The following REV3L variants were observed in gnomAD, a reference collection of about 807,000 sequenced individuals.
The protein encoded by REV3L is REV3 like, DNA directed polymerase zeta catalytic subunit.
REV3L carries 69 observed loss-of-function variants against 299.4 expected under a neutral mutation model. The observed-to-expected ratio is 0.23, with a 90% confidence interval of 0.19 to 0.28. The LOEUF is 0.28. Ranked by LOEUF, REV3L falls within the 10% of genes least tolerant of loss-of-function variation. The pLI, the probability that REV3L is intolerant of heterozygous loss-of-function variation, is 1.00. For synonymous variants in REV3L, 1,238 were observed against 1,271.4 expected (o/e 0.97, Z 0.56); for missense variants, 3,128 against 3,693.8 (o/e 0.85, Z 3.97).
Position 111,335,479 on chromosome 6 carries a change from C to A in REV3L, c.7670G>T (p.Arg2557Met), listed in dbSNP as rs1775813197. 1 of 1,612,254 alleles carries A rather than the reference C, an allele frequency of 6.2e-7. No individual in the cohort carries two copies. The change falls in exon 22 of 32, where the codon AGG becomes ATG. Residue 2557 changes from arginine to methionine, a missense_variant. By Grantham distance (91) the Arg-to-Met change is moderately conservative (BLOSUM62 -1). This residue lies in a region of REV3L where 149 missense variants were observed against 286.4 expected (regional missense o/e 0.52). Transcript: ENST00000368802. ...AAACTGATTTCCCACCTGTGAACCCCTTGTCAGTACATGTAAAAACTGAAT... is the reference window on the plus strand; with the variant it reads ...AAACTGATTTCCCACCTGTGAACCCATTGTCAGTACATGTAAAAACTGAAT... ...FGIQFLHVLT[R>M]GSQYRVESMM... is the part of the protein sequence containing the mutation.
chr6:111,373,800 C>T lies in REV3L; in HGVS notation c.4555G>A (p.Ala1519Thr), dbSNP rs777542060. The change falls in exon 13 of 32, where the codon GCA becomes ACA. Residue 1519 changes from alanine to threonine, a missense_variant. Physicochemically the swap from Ala to Thr is moderately conservative, Grantham distance 58. Coordinates refer to ENST00000368802, the MANE Select transcript of REV3L (RefSeq NM_001372078.1). ...CKNRNVSTPSAFGEGQSGLAV... is the reference protein window; with the variant it reads ...CKNRNVSTPSTFGEGQSGLAV... The stretch of plus-strand genomic sequence containing the variant: ...AGTCCAGACTGTCCTTCACCAAATG[C>T]TGAAGGTGTTGACACATTTCGATTT... The T allele has an allele frequency of 6.2e-7, 1 of 1,614,082 alleles. No homozygotes were observed. Among genetic ancestry groups the T allele is most frequent in the Non-Finnish European group, 8.5e-7 (1 of 1,179,966 alleles).
At chr6:111,399,766 A>AT (rs1348010451) in intron 4 of REV3L, among the ~76,000 whole-genome samples, 1 of 135,602 alleles carries the variant, frequency 7.4e-6, no homozygotes, top group African/African-American at 2.6e-5. Context: ...ACATGACATA[A>AT]TAACTGGTGA....
intron 17 of REV3L, among the ~76,000 whole-genome samples, chr6:111,357,968 G>T (rs1168994803): frequency 1.4e-5 from 2 of 145,168 alleles, no homozygotes; most frequent in African/African-American, 5.2e-5. Flanking sequence ...GAAAATCCAA[G>T]AACTGGCTTG....
chr6:111,327,848 T>G (rs1166801133), intron 25 of REV3L, among the ~76,000 whole-genome samples: 1 of 152,188 alleles, frequency 6.6e-6, no homozygotes, highest in African/African-American at 2.4e-5. Flanking sequence ...TAGATGGTAT[T>G]TTGCTGCTTT....
chr6:111,349,146 C>A, intron 20 of REV3L, 72 bp downstream of exon 20: 1 of 797,894 alleles, frequency 1.3e-6, no homozygotes, highest in Non-Finnish European at 2.1e-6. Flanking sequence ...CTTACTAATA[C>A]TCTATAATGA....
Position 111,468,787 on chromosome 6 carries a change from T to C in REV3L, c.139+13963A>G, listed in dbSNP as rs139919891. 2.3e-3 allele frequency among the ~76,000 whole-genome samples: 346 copies of C among 152,296 alleles called. 1 individual carries two copies. Among genetic ancestry groups the C allele is most frequent in the African/African-American group, 7.9e-3 (328 of 41,566 alleles). ...GCCTGGTGTGGGCTGTTGGTCATTC[T>C]CAAAAAATTGTTAAAAGTTTTCTAC... On this transcript the variant is annotated intron_variant, in intron 1 of 31. Transcript: ENST00000368802.
intron 4 of REV3L, among the ~76,000 whole-genome samples, chr6:111,397,177 T>C (rs1297931194): frequency 6.6e-6 from 1 of 152,038 alleles, no homozygotes; most frequent in Non-Finnish European, 1.5e-5. Flanking sequence ...TGTTCTTGCT[T>C]TTCTAGTTTC....
chr6:111,375,263 G>C lies in REV3L; in HGVS notation c.3092C>G (p.Pro1031Arg), dbSNP rs139637959. ...TGGATAAATGGGATATTTGGTTGCA[G>C]GGGAGTCGGGAACTTTTGGCCAAAA... ...KDFWPKVPDS[P>R]ATKYPIYPLT... is the part of the protein sequence containing the mutation. Residue 1031 changes from proline to arginine, a missense_variant, in exon 13 of 32, where the codon CCT becomes CGT. By Grantham distance (103) the Pro-to-Arg change is moderately radical. Around this residue, in one of 9 missense-constraint regions of REV3L, gnomAD observed 2,409 missense variants for 2,611.8 expected, o/e 0.92. Transcript: ENST00000368802. 2 of 1,609,800 alleles carry C rather than the reference G, an allele frequency of 1.2e-6. No individual in the cohort carries two copies. The highest frequency in any genetic ancestry group is 2.2e-5 in the South Asian group (2 of 88,976).
At chr6:111,400,105 T>A (rs1445800735) in intron 4 of REV3L, among the ~76,000 whole-genome samples, 1 of 152,312 alleles carries the variant, frequency 6.6e-6, no homozygotes, top group Admixed American at 6.5e-5. Flanking sequence ...TTGTTCCTTT[T>A]TATCACTAAA....
chr6:111,468,536 T>G (rs537799797), intron 1 of REV3L, among the ~76,000 whole-genome samples: 1 of 152,222 alleles, frequency 6.6e-6, no homozygotes, highest in South Asian at 2.1e-4. Context: ...ACACTCAATC[T>G]CACTCATAAT....
intron 1 of REV3L, among the ~76,000 whole-genome samples, chr6:111,449,196 T>C (rs932653774): frequency 3.3e-5 from 5 of 152,182 alleles, no homozygotes; most frequent in African/African-American, 1.2e-4. Context: ...ACATTAGACA[T>C]TGGCCAGCAT....
At chr6:111,388,599 G>C (rs1425949516) in intron 7 of REV3L, among the ~76,000 whole-genome samples, 1 of 151,902 alleles carries the variant, frequency 6.6e-6, no homozygotes, top group Admixed American at 6.6e-5. Flanking sequence ...AAACCCCCTC[G>C]AATTCTTTTT....
chr6:111,406,016 G>C (rs2128275278), intron 3 of REV3L, among the ~76,000 whole-genome samples: 1 of 152,200 alleles, frequency 6.6e-6, no homozygotes, highest in African/African-American at 2.4e-5. Flanking sequence ...TTGCCATTTT[G>C]ATATTTTTCT....
chr6:111,480,606 A>G lies in REV3L; in HGVS notation c.139+2144T>C, dbSNP rs1359032801. Among the ~76,000 whole-genome samples, 36 of 152,134 alleles carry G rather than the reference A, an allele frequency of 2.4e-4. 1 individual carries two copies. The highest frequency in any genetic ancestry group is 2.4e-3 in the Admixed American group (36 of 15,282). ...ACTCTAAATGTATGCCAATGACTTC[A>G]AATTTTTTCTTGTTGAAACAAACAT... On this transcript the variant is annotated intron_variant, in intron 1 of 31. Coordinates refer to ENST00000368802, the MANE Select transcript of REV3L (RefSeq NM_001372078.1).
intron 19 of REV3L, 26 bp from the exon 20 acceptor site, chr6:111,349,362 C>T: frequency 8.8e-7 from 1 of 1,131,238 alleles, no homozygotes; most frequent in Non-Finnish European, 1.3e-6. Flanking sequence ...CAGACTGTAT[C>T]AGGGCTCACA....
intron 5 of REV3L, among the ~76,000 whole-genome samples, chr6:111,391,522 GTATA>G (rs1554218217): frequency 6.6e-6 from 1 of 152,160 alleles, no homozygotes; most frequent in Non-Finnish European, 1.5e-5. Context: ...GTACTCACAA[GTATA>G]TATTTAGATG....
At chr6:111,301,275 C>T (rs1230683384) in intron 31 of REV3L, among the ~76,000 whole-genome samples, 3 of 152,158 alleles carry the variant, frequency 2.0e-5, no homozygotes, top group African/African-American at 2.4e-5. Context: ...GTGCCCAGCA[C>T]GACATGGACC....
At chr6:111,309,263 G>C (rs564668001) in intron 30 of REV3L, 1 of 152,214 alleles carries the variant, frequency 6.6e-6, no homozygotes, top group Non-Finnish European at 1.5e-5. Context: ...CGTGGGCTAG[G>C]AGAATGAGTG....
At chr6:111,359,389 C>T (rs966616434) in intron 16 of REV3L, among the ~76,000 whole-genome samples, 3 of 151,848 alleles carry the variant, frequency 2.0e-5, no homozygotes, top group Admixed American at 1.3e-4. Flanking sequence ...ATAGTTTTAC[C>T]TGTAGTTTAA....
Sources: gnomAD v4.1 joint callset for allele counts (sites outside exome capture counted in the v4.1 genomes callset) on GRCh38, gnomAD v4.1.1 for gene constraint, gnomAD v4.1.1 regional missense constraint, MANE v1.5 for transcripts, NCBI Gene and HGNC (gene_info 2026-07-23, HGNC 2026-07-21) for gene names.